Variants in CHRM3 observed in about 807,000 individuals in gnomAD.
The protein encoded by CHRM3 is muscarinic acetylcholine receptor M3.
A neutral mutation model predicts 41.8 loss-of-function variants in CHRM3; 11 were observed. The observed-to-expected ratio is 0.26, with a 90% CI of 0.17 to 0.44. The LOEUF is 0.44. CHRM3 is among the 20% of genes least tolerant of loss of function. The pLI is 1.00. For missense variants in CHRM3, 571 were observed against 745.4 expected (o/e 0.77, Z 2.72); for synonymous variants, 297 against 301.4 (o/e 0.99, Z 0.15).
At chr1:239,801,374 G>A (rs1224447587) in intron 5 of CHRM3, among the ~76,000 whole-genome samples, 1 of 152,172 alleles carries the variant, frequency 6.6e-6, no homozygotes, top group Non-Finnish European at 1.5e-5. Flanking sequence ...CCAGGACTTG[G>A]TCTACAAGAT....
rs75535564 is a variant in CHRM3, at chr1:239,825,387, C to G, written c.-146-1865C>G. On this transcript the variant is annotated intron_variant, in intron 5 of 6. Transcript: ENST00000676153. ...CTCTCTCTTTGCCTTCAAATCTTCTCTCTTGCTACCTTGAAAGTGCCGCTC... is the reference window on the plus strand; with the variant it reads ...CTCTCTCTTTGCCTTCAAATCTTCTGTCTTGCTACCTTGAAAGTGCCGCTC... 1.1e-4 allele frequency among the ~76,000 whole-genome samples: 17 copies of G among 152,310 alleles called. No individual in the cohort carries two copies. In the East Asian group the frequency reaches 3.3e-3, roughly 29 times the overall value.
chr1:239,834,066 T>C (rs1008222596), intron 6 of CHRM3, among the ~76,000 whole-genome samples: 1 of 151,798 alleles, frequency 6.6e-6, no homozygotes, highest in Non-Finnish European at 1.5e-5. Context: ...ACTAAATGAC[T>C]TATGCTTCTG....
intron 1 of CHRM3, among the ~76,000 whole-genome samples, chr1:239,429,639 C>CT (rs1221236062): frequency 1.3e-5 from 2 of 152,154 alleles, no homozygotes; most frequent in African/African-American, 4.8e-5. Context: ...ATTTTCAGTG[C>CT]TTTGCTCCCT....
chr1:239,401,664 T>C (rs1659987747), intron 1 of CHRM3, among the ~76,000 whole-genome samples: 1 of 152,086 alleles, frequency 6.6e-6, no homozygotes, highest in African/African-American at 2.4e-5. Context: ...CTAATTTTTT[T>C]GTATTTTTAG....
chr1:239,716,559 T>C (rs1662388179), intron 5 of CHRM3, among the ~76,000 whole-genome samples: 1 of 152,230 alleles, frequency 6.6e-6, no homozygotes, highest in Admixed American at 6.5e-5. Flanking sequence ...ACTCCAGCCA[T>C]TCACAGGGAG....
intron 5 of CHRM3, among the ~76,000 whole-genome samples, chr1:239,803,188 G>A (rs1000166593): frequency 3.3e-5 from 5 of 152,110 alleles, no homozygotes; most frequent in Non-Finnish European, 7.3e-5. Context: ...AAACATTCGC[G>A]TGTCTTATCT....
rs554358830 is a variant in CHRM3 at position 239,909,505 on chromosome 1, T to C, written c.*281T>C. The C allele has an allele frequency of 6.3e-6, 2 of 318,308 alleles. No homozygotes were observed. Among genetic ancestry groups the C allele is most frequent in the South Asian group, 7.7e-5 (1 of 13,066 alleles). 19.7% of individuals were successfully genotyped at this position (318,308 alleles called of 1,614,324 possible). ...TTTTTTCTTAAAGAGGAGAAAAATA[T>C]TGCTTGACGGCAATTATATACCCAA... On this transcript the variant is annotated 3_prime_UTR_variant, in exon 7 of 7. Transcript: ENST00000676153.
At chr1:239,518,129 A>G (rs1036606537) in intron 2 of CHRM3, among the ~76,000 whole-genome samples, 5 of 152,148 alleles carry the variant, frequency 3.3e-5, no homozygotes, top group Non-Finnish European at 7.4e-5. Context: ...AACAACAACA[A>G]CAACCACAAA....
At chr1:239,814,728 G>T (rs1208314423) in intron 5 of CHRM3, among the ~76,000 whole-genome samples, 1 of 152,064 alleles carries the variant, frequency 6.6e-6, no homozygotes, top group East Asian at 1.9e-4. Context: ...CTCACGGTCA[G>T]GTCAGTGATT....
chr1:239,426,988 G>A (rs1478550591), intron 1 of CHRM3, among the ~76,000 whole-genome samples: 1 of 152,088 alleles, frequency 6.6e-6, no homozygotes, highest in Non-Finnish European at 1.5e-5. Flanking sequence ...TGAAGGGAGG[G>A]GTGGGTGGAG....
At chr1:239,511,282 G>A (rs1668900019) in intron 2 of CHRM3, among the ~76,000 whole-genome samples, 1 of 152,192 alleles carries the variant, frequency 6.6e-6, no homozygotes, top group Admixed American at 6.5e-5. Flanking sequence ...GAGTAAATAA[G>A]TCATCTGTAG....
intron 2 of CHRM3, among the ~76,000 whole-genome samples, chr1:239,529,010 C>A (rs1189537664): frequency 6.6e-6 from 1 of 152,196 alleles, no homozygotes; most frequent in Non-Finnish European, 1.5e-5. Context: ...CTTAAAGGAG[C>A]CATCTATACC....
At chr1:239,547,152 A>C (rs1659375368) in intron 3 of CHRM3, among the ~76,000 whole-genome samples, 1 of 152,210 alleles carries the variant, frequency 6.6e-6, no homozygotes, top group African/African-American at 2.4e-5. Context: ...ATATAAATGG[A>C]ACGAAAATCT....
chr1:239,573,595 A>G (rs757662938), intron 3 of CHRM3, among the ~76,000 whole-genome samples: 3 of 152,088 alleles, frequency 2.0e-5, no homozygotes, highest in Non-Finnish European at 4.4e-5. Flanking sequence ...AGTCTCATAG[A>G]ACTATGCAAT....
chr1:239,868,819 G>A (rs548731782), intron 6 of CHRM3, among the ~76,000 whole-genome samples: 13 of 152,342 alleles, frequency 8.5e-5, no homozygotes, highest in African/African-American at 2.9e-4. Flanking sequence ...GCCTTGGCTT[G>A]TAGTAGGCAC....
intron 5 of CHRM3, among the ~76,000 whole-genome samples, chr1:239,808,137 G>A (rs1192449519): frequency 3.9e-5 from 6 of 152,120 alleles, no homozygotes; most frequent in East Asian, 1.9e-4. Flanking sequence ...CAAAGTCCCA[G>A]TGTTTTGATG....
intron 6 of CHRM3, among the ~76,000 whole-genome samples, chr1:239,905,937 G>A (rs1679935952): frequency 1.3e-5 from 2 of 152,162 alleles, no homozygotes; most frequent in African/African-American, 2.4e-5. Flanking sequence ...CTTTATATAT[G>A]TTAAAACATT....
intron 6 of CHRM3, among the ~76,000 whole-genome samples, chr1:239,857,989 T>C (rs1675265384): frequency 6.6e-6 from 1 of 152,162 alleles, no homozygotes; most frequent in African/African-American, 2.4e-5. Flanking sequence ...ATTATTGATA[T>C]ATATTATTAA....
chr1:239,616,111 T>A (rs549876192), intron 3 of CHRM3, among the ~76,000 whole-genome samples: 5 of 152,304 alleles, frequency 3.3e-5, no homozygotes, highest in Admixed American at 2.0e-4. Flanking sequence ...TTATTATCAA[T>A]CCGCAAGTTG....
Sources: allele counts gnomAD v4.1 joint callset (sites outside exome capture counted in the v4.1 genomes callset), GRCh38; gene constraint gnomAD v4.1.1; transcripts MANE v1.5; gene names NCBI Gene and HGNC (gene_info 2026-07-23, HGNC 2026-07-21).